The following ANK2 variants were observed in gnomAD, a reference collection of about 807,000 sequenced individuals.
The protein encoded by ANK2 is ankyrin 2.
Under a neutral mutation model 360.5 loss-of-function variants are expected in ANK2, and 83 were observed. That is an observed-to-expected ratio of 0.23 (90% confidence interval 0.19 to 0.28). The LOEUF (loss-of-function observed/expected upper bound fraction) is 0.28, where lower values mean the gene tolerates loss of function less well. Ranked by LOEUF, ANK2 falls within the 10% of genes least tolerant of loss-of-function variation. ANK2 has a pLI of 1.00. For synonymous variants in ANK2, 1,740 were observed against 1,759.5 expected (o/e 0.99, Z 0.28); for missense variants, 4,201 against 4,795.7 (o/e 0.88, Z 3.66).
intron 37 of ANK2, among the ~76,000 whole-genome samples, chr4:113,351,183 A>C (rs1201002472): frequency 1.3e-5 from 2 of 152,164 alleles, no homozygotes; most frequent in Admixed American, 1.3e-4. Flanking sequence ...ATTGAATATC[A>C]ATAAACTTTA....
upstream of ANK2, among the ~76,000 whole-genome samples, chr4:113,046,662 C>A (rs2064529612): frequency 6.6e-6 from 1 of 152,058 alleles, no homozygotes; most frequent in Admixed American, 6.5e-5. Flanking sequence ...AACTTCCCAG[C>A]CTCAGAACTG....
At chr4:113,269,095 A>C (rs892155038) in intron 14 of ANK2, among the ~76,000 whole-genome samples, 1 of 151,982 alleles carries the variant, frequency 6.6e-6, no homozygotes, top group African/African-American at 2.4e-5. Context: ...GGTGATACTC[A>C]AGCCTCTGTA....
At position 113,150,985 on chromosome 4, in the gene ANK2, G is replaced by T. The variant is rs2097053949; in HGVS notation, c.85-23431G>T. The T allele has an allele frequency of 3.2e-6, 3 of 937,024 alleles. No individual in the cohort carries two copies. The South Asian group carries it at 4.5e-5, about 14-fold the overall frequency. 58.0% of individuals were successfully genotyped at this position (937,024 alleles called of 1,614,324 possible). A position where few individuals can be genotyped will look rare whatever the true frequency, so the allele number is the denominator to read the frequency against. On this transcript the variant is annotated intron_variant, in intron 1 of 45. Coordinates refer to ENST00000357077, the MANE Select transcript of ANK2 (RefSeq NM_001148.6). The stretch of plus-strand genomic sequence containing the variant: ...CTTTGAAGTTCCTACCAGCTAATAG[G>T]TACTTAGTAAATATTTGTGAAAAAA...
chr4:113,359,063 G>C lies in ANK2; in HGVS notation c.10445G>C (p.Ser3482Thr), dbSNP rs2096025653. 1 of 1,613,966 alleles carries C rather than the reference G, an allele frequency of 6.2e-7. No homozygotes were observed. The highest frequency in any genetic ancestry group is 1.1e-5 in the South Asian group (1 of 91,086). The stretch of plus-strand genomic sequence containing the variant: ...TCCATAGAATTCTTTGAGGAGATTA[G>C]TGATGAGGCTTCCAAATTAGTGGAT... Reference protein sequence around the residue: ...RNSIEFFEEISDEASKLVDRL... With the variant: ...RNSIEFFEEITDEASKLVDRL... The change falls in exon 38 of 46, where the codon AGT (serine) becomes ACT (threonine). Residue 3482 changes from serine to threonine, a missense_variant. Ser to Thr is a moderately conservative substitution (Grantham distance 58). This residue lies in a region of ANK2 where 2,642 missense variants were observed against 2,714.5 expected (regional missense o/e 0.97). Transcript: ENST00000357077.
chr4:113,367,335 G>C (rs1481443588), intron 41 of ANK2, among the ~76,000 whole-genome samples: 1 of 151,916 alleles, frequency 6.6e-6, no homozygotes. Flanking sequence ...TGGCACCTAT[G>C]ACCCAGTTGC....
Position 113,311,295 on chromosome 4 carries a change from G to T in ANK2, c.2589G>T (p.Arg863Ser). 4 of 1,614,124 alleles carry T rather than the reference G, an allele frequency of 2.5e-6. No homozygotes were observed. The highest frequency in any genetic ancestry group is 1.3e-5 in the African/African-American group (1 of 75,026). The stretch of plus-strand genomic sequence containing the variant: ...CTGGTGATGGGGGAGAATACCTTAG[G>T]CCTGAGGACCTAAAAGAACTGGGTG... The part of the protein sequence containing the change: ...TMTGDGGEYL[R>S]PEDLKELGDD... Residue 863 changes from arginine (R) to serine (S), a missense_variant, in exon 24 of 46, where the codon AGG becomes AGT. Physicochemically the swap from Arg to Ser is moderately radical, Grantham distance 110. Around this residue, in one of 4 missense-constraint regions of ANK2, gnomAD observed 1,268 missense variants for 1,650.8 expected, o/e 0.77. Coordinates refer to ENST00000357077, the MANE Select transcript of ANK2 (RefSeq NM_001148.6).
chr4:112,774,363 A>G, the ANK2 span, among the ~76,000 whole-genome samples: 1 of 152,038 alleles, frequency 6.6e-6, no homozygotes, highest in Non-Finnish European at 1.5e-5. Flanking sequence ...TGTCTCTACT[A>G]AAAATAGAAA....
chr4:112,811,411 G>C, the ANK2 span, among the ~76,000 whole-genome samples: 3 of 152,120 alleles, frequency 2.0e-5, no homozygotes, highest in Admixed American at 2.0e-4. Flanking sequence ...TGTGTTTCAT[G>C]GGTGATGCTG....
At chr4:112,994,796 A>G (rs2047998617) in intron 2 of ANK2, among the ~76,000 whole-genome samples, 1 of 152,020 alleles carries the variant, frequency 6.6e-6, no homozygotes, top group African/African-American at 2.4e-5. Flanking sequence ...GTCTGTTCCC[A>G]TCTTTATGTC....
At chr4:112,802,396 C>T in the ANK2 span, among the ~76,000 whole-genome samples, 12 of 152,118 alleles carry the variant, frequency 7.9e-5, no homozygotes, top group African/African-American at 2.2e-4. Context: ...GGAGCATAAC[C>T]GGCTGAGGGT....
chr4:112,816,354 A>G (rs1210373572), upstream of ANK2, among the ~76,000 whole-genome samples: 1 of 152,170 alleles, frequency 6.6e-6, no homozygotes, highest in Non-Finnish European at 1.5e-5. Flanking sequence ...CTCATATTGA[A>G]TTCCACAGTC....
chr4:112,962,407 G>A (rs2035286730), intron 2 of ANK2, among the ~76,000 whole-genome samples: 1 of 152,128 alleles, frequency 6.6e-6, no homozygotes, highest in African/African-American at 2.4e-5. Flanking sequence ...GTATTCCATG[G>A]TGTATATGTA....
intron 1 of ANK2, among the ~76,000 whole-genome samples, chr4:112,828,896 G>T (rs1579175218): frequency 1.3e-5 from 2 of 152,192 alleles, no homozygotes; most frequent in African/African-American, 2.4e-5. Context: ...GTTCACACCT[G>T]TAATTCTAGC....
At position 113,355,205 on chromosome 4, in the gene ANK2, G is replaced by C; in HGVS notation, c.6587G>C (p.Gly2196Ala). The C allele has an allele frequency of 6.2e-7, 1 of 1,614,098 alleles. No individual in the cohort carries two copies. ...CTTCCAGCTCTGTCTTTACAAAGCG[G>C]TGCTTTAGATGGCAGTTCTGAAAGC... ...EFLPALSLQSGALDGSSESLK... is the reference protein window; with the variant it reads ...EFLPALSLQSAALDGSSESLK... Residue 2196 changes from glycine (G) to alanine (A), a missense_variant, in exon 38 of 46, where the codon GGT becomes GCT. Physicochemically the swap from Gly to Ala is moderately conservative, Grantham distance 60. Transcript: ENST00000357077.
rs138292918 is a variant in ANK2 at position 112,897,697 on chromosome 4, G to A, written c.-39-6758G>A. ...ATGCTGTGCATCTGCTTGGTGAGTGGCTTGAACATCTGTTTGGGACCTGTA... is the reference window on the plus strand; with the variant it reads ...ATGCTGTGCATCTGCTTGGTGAGTGACTTGAACATCTGTTTGGGACCTGTA... On this transcript the variant is annotated intron_variant, in intron 1 of 30. Transcript: ENST00000503271. 2.0e-5 allele frequency among the ~76,000 whole-genome samples: 3 copies of A among 152,220 alleles called. No homozygotes were observed. The East Asian group carries it at 5.8e-4, about 29-fold the overall frequency.
chr4:112,903,309 C>A (rs1272909870), intron 1 of ANK2, among the ~76,000 whole-genome samples: 3 of 152,160 alleles, frequency 2.0e-5, no homozygotes, highest in Non-Finnish European at 2.9e-5. Context: ...GCAGAGGGAT[C>A]ATCTTGGAGA....
At chr4:113,048,430 A>ATTTTTTT (rs61689467), upstream of ANK2, among the ~76,000 whole-genome samples, 2 of 129,740 alleles carry the variant, frequency 1.5e-5, no homozygotes, top group Non-Finnish European at 1.6e-5. Context: ...CACCTGGCTA[A>ATTTTTTT]TTTTTTTTTT....
chr4:112,983,853 T>G (rs1280442257), intron 2 of ANK2, among the ~76,000 whole-genome samples: 4 of 152,198 alleles, frequency 2.6e-5, no homozygotes, highest in African/African-American at 7.2e-5. Flanking sequence ...TTCATTGCAC[T>G]TACATGATTT....
At chr4:113,145,568 C>T in intron 1 of ANK2, 1 of 1,018,218 alleles carries the variant, frequency 9.8e-7, no homozygotes, top group Non-Finnish European at 1.2e-6. Flanking sequence ...CTGTCTGCCT[C>T]ACCCCCCTCA....
Sources: gnomAD v4.1 joint callset for allele counts (sites outside exome capture counted in the v4.1 genomes callset) on GRCh38, gnomAD v4.1.1 for gene constraint, gnomAD v4.1.1 regional missense constraint, MANE v1.5 for transcripts, NCBI Gene and HGNC (gene_info 2026-07-23, HGNC 2026-07-21) for gene names.